RCHY1: variants seen among roughly 807,000 people sequenced by gnomAD.
RCHY1 encodes the protein ring finger and CHY zinc finger domain containing 1.
A neutral mutation model predicts 41.6 loss-of-function variants in RCHY1; 21 were observed. That is an observed-to-expected ratio of 0.51 (90% CI 0.36 to 0.73). The LOEUF (loss-of-function observed/expected upper bound fraction) is 0.73. RCHY1 is among the 30% of genes least tolerant of loss of function. The pLI is 0.00. For synonymous variants in RCHY1, 79 were observed against 102.9 expected, an observed-to-expected ratio of 0.77 and a Z score of 1.41; for missense variants, 265 against 325.3, an observed-to-expected ratio of 0.81 and a Z score of 1.43.
rs962723883 is a variant in RCHY1 at position 75,481,309 on chromosome 4, TTGGAAATACAAC to T, written c.*1217_*1228del. 6.6e-6 allele frequency: 1 copy of T among 152,198 alleles called. No individual in the cohort carries two copies. The highest frequency in any genetic ancestry group is 1.5e-5 in the Non-Finnish European group (1 of 68,038). 9.4% of individuals were successfully genotyped at this position (152,198 alleles called of 1,614,324 possible). ...CAAAGAAGATTCAAATAGCTCAAAG[TTGGAAATACAAC>T]TGGTGCTCAATAGGTACTTATCAAC... On this transcript the variant is annotated 3_prime_UTR_variant, in exon 9 of 9. Transcript: ENST00000324439.
At position 75,490,616 on chromosome 4, in the gene RCHY1, G is replaced by C. The variant is rs926359759; in HGVS notation, c.622C>G (p.Pro208Ala). The C allele has an allele frequency of 1.7e-5, 28 of 1,612,326 alleles. No homozygotes were observed. Among genetic ancestry groups the C allele is most frequent in the Non-Finnish European group, 2.2e-5 (26 of 1,178,780 alleles). ...RQLDDEVAQTPMPSEYQNMTV... is the reference protein window; with the variant it reads ...RQLDDEVAQTAMPSEYQNMTV... ...ATGTTCTGATATTCTGATGGCATAG[G>C]AGTCTGTGCTACTTCATCATCCAGC... The change falls in exon 8 of 9, where the codon CCT becomes GCT. Residue 208 changes from proline to alanine, a missense_variant. Transcript: ENST00000324439.
chr4:75,488,081 T>C (rs1165183606), intron 8 of RCHY1, among the ~76,000 whole-genome samples: 1 of 151,350 alleles, frequency 6.6e-6, no homozygotes, highest in Non-Finnish European at 1.5e-5. Flanking sequence ...TTATTTGATC[T>C]GTTAAATTAC....
intron 3 of RCHY1, among the ~76,000 whole-genome samples, chr4:75,500,078 C>T (rs1414563256): frequency 6.6e-6 from 1 of 152,052 alleles, no homozygotes; most frequent in African/African-American, 2.4e-5. Context: ...GAGGTCAAGG[C>T]TGCAGTGAGT....
chr4:75,483,119 T>TG (rs1721660937), intron 8 of RCHY1, among the ~76,000 whole-genome samples: 1 of 152,180 alleles, frequency 6.6e-6, no homozygotes, highest in African/African-American at 2.4e-5. Flanking sequence ...CTGTCTTCTC[T>TG]GCCTTAGGAA....
chr4:75,482,646 A>G lies in RCHY1; in HGVS notation c.678T>C (p.Asn226=). ...MTVDILCNDC[N]GRSTVQFHIL... is the part of the protein sequence containing the mutation. ...TATGAAACTGAACAGTGGATCGTCC[A>G]TTACAGTCATTGCAGAGAATCTGAA... Residue 226 remains asparagine, a synonymous_variant, in exon 9 of 9, where the codon AAT becomes AAC. Coordinates refer to ENST00000324439, the MANE Select transcript of RCHY1 (RefSeq NM_015436.4). 6.2e-7 allele frequency: 1 copy of G among 1,606,806 alleles called. No homozygotes were observed.
chr4:75,513,333 T>C (rs2148789054), intron 1 of RCHY1, among the ~76,000 whole-genome samples: 1 of 152,318 alleles, frequency 6.6e-6, no homozygotes, highest in East Asian at 1.9e-4. Context: ...GTGGTATATA[T>C]TTACTACTCA....
chr4:75,505,292 C>T (rs1724187400), intron 3 of RCHY1, among the ~76,000 whole-genome samples: 1 of 152,152 alleles, frequency 6.6e-6, no homozygotes, highest in South Asian at 2.1e-4. Flanking sequence ...AGCTCAGTTC[C>T]TAACAGGCCA....
At chr4:75,506,239 G>GA (rs998564908) in intron 3 of RCHY1, among the ~76,000 whole-genome samples, 21 of 143,484 alleles carry the variant, frequency 1.5e-4, no homozygotes, top group African/African-American at 5.4e-4. Flanking sequence ...AATTCTCTCT[G>GA]AAAAAAAAAT....
At chr4:75,485,111 T>C (rs1335620697) in intron 8 of RCHY1, among the ~76,000 whole-genome samples, 3 of 152,244 alleles carry the variant, frequency 2.0e-5, no homozygotes, top group African/African-American at 7.2e-5. Context: ...TAAATGTTTA[T>C]AAAATATAGG....
At chr4:75,497,708 G>A (rs1013736899) in intron 3 of RCHY1, among the ~76,000 whole-genome samples, 1 of 151,832 alleles carries the variant, frequency 6.6e-6, no homozygotes, top group African/African-American at 2.4e-5. Context: ...GGGGAAGGAG[G>A]AGGACCGAAA....
intron 5 of RCHY1, 33 bp from the exon 6 acceptor site, chr4:75,491,815 A>T (rs372253230): frequency 1.7e-5 from 27 of 1,605,740 alleles, no homozygotes; most frequent in Non-Finnish European, 2.0e-5. Context: ...TGCTTGTATG[A>T]AGACAATATA....
chr4:75,498,891 T>C (rs1208626833), intron 3 of RCHY1, among the ~76,000 whole-genome samples: 1 of 152,138 alleles, frequency 6.6e-6, no homozygotes, highest in East Asian at 1.9e-4. Flanking sequence ...AAAGATTTTT[T>C]TGTGTAAGAT....
intron 8 of RCHY1, among the ~76,000 whole-genome samples, chr4:75,485,354 T>C (rs1262913511): frequency 6.6e-6 from 1 of 152,258 alleles, no homozygotes; most frequent in Non-Finnish European, 1.5e-5. Context: ...TATACCTTTC[T>C]GGCATTCAAC....
intron 3 of RCHY1, among the ~76,000 whole-genome samples, chr4:75,498,430 A>G (rs1332625701): frequency 6.6e-6 from 1 of 151,282 alleles, no homozygotes; most frequent in Non-Finnish European, 1.5e-5. Context: ...AAGAAATCCT[A>G]AAATTTATAT....
chr4:75,484,606 G>A (rs1014389320), intron 8 of RCHY1, among the ~76,000 whole-genome samples: 17 of 152,266 alleles, frequency 1.1e-4, no homozygotes, highest in African/African-American at 3.4e-4. Context: ...CCAAAGCCAA[G>A]ATTCAAGGTG....
chr4:75,508,250 T>C (rs1183166661), intron 3 of RCHY1, among the ~76,000 whole-genome samples: 1 of 152,134 alleles, frequency 6.6e-6, no homozygotes, highest in African/African-American at 2.4e-5. Context: ...GCTTATTCAC[T>C]GTACTGTACT....
At chr4:75,488,944 G>A (rs946364978) in intron 8 of RCHY1, among the ~76,000 whole-genome samples, 15 of 151,896 alleles carry the variant, frequency 9.9e-5, no homozygotes, top group African/African-American at 1.7e-4. Context: ...GTGTGGTGGC[G>A]GGCACCTGTA....
intron 3 of RCHY1, among the ~76,000 whole-genome samples, chr4:75,499,429 T>C (rs189285671): frequency 6.6e-6 from 1 of 152,046 alleles, no homozygotes; most frequent in African/African-American, 2.4e-5. Flanking sequence ...TAAAAGTACA[T>C]ATCTAAGGGG....
chr4:75,487,731 TA>T (rs1271782583), intron 8 of RCHY1, among the ~76,000 whole-genome samples: 1 of 100,088 alleles, frequency 1.0e-5, no homozygotes, highest in Non-Finnish European at 1.9e-5. Flanking sequence ...TATATATTCA[TA>T]ATATATATTC....
Sources: gnomAD v4.1 joint callset for allele counts (sites outside exome capture counted in the v4.1 genomes callset) on GRCh38, gnomAD v4.1.1 for gene constraint, MANE v1.5 for transcripts, NCBI Gene and HGNC (gene_info 2026-07-23, HGNC 2026-07-21) for gene names.